The following ARHGAP24 variants were observed in gnomAD, a reference collection of about 807,000 sequenced individuals.
ARHGAP24 encodes Rho GTPase activating protein 24.
Under a neutral mutation model 76.4 loss-of-function variants are expected in ARHGAP24, and 50 were observed. The observed-to-expected ratio is 0.65, with a 90% CI of 0.52 to 0.83. ARHGAP24 has a LOEUF of 0.83. Ranked by LOEUF, ARHGAP24 falls within the 40% of genes least tolerant of loss-of-function variation. The probability of loss-of-function intolerance (pLI) is 0.00; values close to 1 mark genes in which losing one functional copy is unlikely to be tolerated. For synonymous variants in ARHGAP24, 345 were observed against 323.3 expected, an observed-to-expected ratio of 1.07 and a Z score of -0.72; for missense variants, 930 against 914.2, an observed-to-expected ratio of 1.02 and a Z score of -0.22.
chr4:85,754,022 T>C (rs1726376422), intron 3 of ARHGAP24, among the ~76,000 whole-genome samples: 1 of 152,206 alleles, frequency 6.6e-6, no homozygotes, highest in Non-Finnish European at 1.5e-5. Flanking sequence ...ATTTTTTCTA[T>C]CTAACTCTGT....
At chr4:85,940,718 C>A (rs1736908693) in intron 4 of ARHGAP24, among the ~76,000 whole-genome samples, 1 of 152,134 alleles carries the variant, frequency 6.6e-6, no homozygotes, top group Non-Finnish European at 1.5e-5. Flanking sequence ...AACACTATTT[C>A]TAATTCTGCT....
At chr4:85,914,821 G>T (rs151171456) in intron 3 of ARHGAP24, among the ~76,000 whole-genome samples, 84 of 152,288 alleles carry the variant, frequency 5.5e-4, no homozygotes, top group African/African-American at 1.9e-3. Context: ...GCTACCTGTT[G>T]TGGATTATTG....
intron 3 of ARHGAP24, among the ~76,000 whole-genome samples, chr4:85,905,204 G>T (rs1282711598): frequency 2.6e-5 from 4 of 152,076 alleles, no homozygotes; most frequent in African/African-American, 9.7e-5. Flanking sequence ...TTTTTTAAGG[G>T]CAAAGTAGTG....
chr4:85,714,623 C>T (rs1000615023), intron 2 of ARHGAP24, among the ~76,000 whole-genome samples: 2 of 152,050 alleles, frequency 1.3e-5, no homozygotes, highest in African/African-American at 4.8e-5. Context: ...GTACATTCTA[C>T]AGTGTGTACG....
chr4:85,835,240 C>A (rs183866117), intron 3 of ARHGAP24, among the ~76,000 whole-genome samples: 9 of 151,604 alleles, frequency 5.9e-5, no homozygotes, highest in Non-Finnish European at 1.2e-4. Context: ...CCTAGTAACT[C>A]GCACAATGTA....
intron 5 of ARHGAP24, among the ~76,000 whole-genome samples, chr4:85,961,241 G>C (rs929640177): frequency 1.3e-5 from 2 of 152,072 alleles, no homozygotes; most frequent in African/African-American, 4.8e-5. Context: ...AATAAACTAA[G>C]GTGGTATCGT....
chr4:85,691,942 TTG>T (rs1237532486), intron 2 of ARHGAP24, among the ~76,000 whole-genome samples: 2 of 152,152 alleles, frequency 1.3e-5, no homozygotes, highest in African/African-American at 4.8e-5. Flanking sequence ...ATGTACTTAA[TTG>T]TGTTTGTTTG....
At chr4:85,617,063 A>C (rs1163391462) in intron 2 of ARHGAP24, among the ~76,000 whole-genome samples, 1 of 148,040 alleles carries the variant, frequency 6.8e-6, no homozygotes, top group African/African-American at 2.5e-5. Flanking sequence ...TATATTCATA[A>C]TATATATGTT....
intron 2 of ARHGAP24, among the ~76,000 whole-genome samples, chr4:85,595,002 G>C (rs1214866266): frequency 6.6e-6 from 1 of 150,442 alleles, no homozygotes; most frequent in Non-Finnish European, 1.5e-5. Flanking sequence ...TTTTGTAACA[G>C]TCTTGCTCTC....
chr4:85,644,570 T>C (rs938880100), intron 2 of ARHGAP24, among the ~76,000 whole-genome samples: 3 of 152,078 alleles, frequency 2.0e-5, no homozygotes, highest in African/African-American at 7.2e-5. Flanking sequence ...AAGATAGAGA[T>C]AACTAAACTG....
chr4:85,553,333 TC>T (rs1726221793), intron 1 of ARHGAP24, among the ~76,000 whole-genome samples: 1 of 152,146 alleles, frequency 6.6e-6, no homozygotes, highest in African/African-American at 2.4e-5. Flanking sequence ...CTGCTTTTAT[TC>T]CCTTATTTGG....
intron 1 of ARHGAP24, among the ~76,000 whole-genome samples, chr4:85,485,485 T>C (rs1474291781): frequency 6.8e-6 from 1 of 147,880 alleles, no homozygotes; most frequent in Non-Finnish European, 1.5e-5. Context: ...AAGGTCCTCC[T>C]TTATTTTTTG....
intron 1 of ARHGAP24, among the ~76,000 whole-genome samples, chr4:85,530,629 A>G (rs185270578): frequency 1.3e-5 from 2 of 152,158 alleles, no homozygotes; most frequent in African/African-American, 2.4e-5. Context: ...TAATTGTTCC[A>G]TATGTAATAT....
At chr4:85,927,935 C>G (rs745458914) in intron 4 of ARHGAP24, among the ~76,000 whole-genome samples, 2 of 152,140 alleles carry the variant, frequency 1.3e-5, no homozygotes. Flanking sequence ...AAATTAAAAA[C>G]TGTTAGGTGG....
chr4:85,817,448 G>A (rs950074289), intron 3 of ARHGAP24, among the ~76,000 whole-genome samples: 3 of 151,952 alleles, frequency 2.0e-5, no homozygotes, highest in Non-Finnish European at 2.9e-5. Flanking sequence ...GTGAGTTAAG[G>A]GTCCAATTTC....
intron 1 of ARHGAP24, among the ~76,000 whole-genome samples, chr4:85,478,588 A>G (rs1722692665): frequency 6.6e-6 from 1 of 152,230 alleles, no homozygotes; most frequent in East Asian, 1.9e-4. Context: ...AAGTCTCTTT[A>G]TCTAAAACCT....
intron 3 of ARHGAP24, among the ~76,000 whole-genome samples, chr4:85,752,527 C>T (rs1726302521): frequency 6.6e-6 from 1 of 151,840 alleles, no homozygotes; most frequent in African/African-American, 2.4e-5. Flanking sequence ...AAATGTTAAT[C>T]AATCGGTATT....
chr4:85,545,709 A>G (rs1406108603), intron 1 of ARHGAP24, among the ~76,000 whole-genome samples: 4 of 152,220 alleles, frequency 2.6e-5, no homozygotes, highest in Non-Finnish European at 5.9e-5. Flanking sequence ...TGAAATATAT[A>G]TGCATAAATA....
Position 85,875,111 on chromosome 4 carries a change from TATATA to T in ARHGAP24, c.269-48531_269-48527del, listed in dbSNP as rs1255861503. 4.3e-3 allele frequency among the ~76,000 whole-genome samples: 241 copies of T among 56,228 alleles called. 37 individuals are homozygous for T. Among genetic ancestry groups the T allele is most frequent in the African/African-American group, 0.015 (227 of 14,964 alleles). The allele number at this position is 56,228 out of a possible 152,430, so 36.9% of individuals were successfully genotyped here. ...TATATTTATCTTATATATTATATTA[TATATA>T]ATATATTTATCTTATATATTATATT... On this transcript the variant is annotated intron_variant, in intron 3 of 9. Coordinates refer to ENST00000395184, the MANE Select transcript of ARHGAP24 (RefSeq NM_001025616.3).
Sources: allele counts gnomAD v4.1 joint callset (sites outside exome capture counted in the v4.1 genomes callset), GRCh38; gene constraint gnomAD v4.1.1; transcripts MANE v1.5; gene names NCBI Gene and HGNC (gene_info 2026-07-23, HGNC 2026-07-21).